The following ITGB6 variants were observed in gnomAD, a reference collection of about 807,000 sequenced individuals.
ITGB6 encodes the protein integrin beta-6.
ITGB6 carries 80 observed loss-of-function variants against 84.5 expected under a neutral mutation model. That is an observed-to-expected ratio of 0.95 (90% CI 0.79 to 1.14). The LOEUF (loss-of-function observed/expected upper bound fraction) is 1.14. Among genes scored for constraint, ITGB6 ranks in the 50% most tolerant of loss-of-function variants. The pLI, the probability that ITGB6 is intolerant of heterozygous loss-of-function variation, is 0.00. For missense variants in ITGB6, 1,006 were observed against 968.0 expected (o/e 1.04, Z -0.52); for synonymous variants, 383 against 354.9 (o/e 1.08, Z -0.89).
At chr2:160,169,076 G>A in intron 7 of ITGB6, 136 bp downstream of exon 7, 1 of 562,168 alleles carries the variant, frequency 1.8e-6, no homozygotes, top group East Asian at 2.8e-5. Context: ...AGTCCACTTA[G>A]CCAAGCGCCC....
chr2:160,101,843 A>G lies in ITGB6; in HGVS notation c.2269-9T>C, dbSNP rs973749121. ...TAGAGTGGATTGGTTCCCTGGAAAAAAAAAAAAGATTCAAGTGAAAGTATG... is the reference window on the plus strand; with the variant it reads ...TAGAGTGGATTGGTTCCCTGGAAAAGAAAAAAAGATTCAAGTGAAAGTATG... On this transcript the variant is annotated splice_polypyrimidine_tract_variant and intron_variant, in intron 14 of 14. Transcript: ENST00000283249. 3 of 1,448,636 alleles carry G rather than the reference A, an allele frequency of 2.1e-6. No individual in the cohort carries two copies. The African/African-American group carries it at 4.2e-5, about 20-fold the overall frequency. 89.7% of individuals were successfully genotyped at this position (1,448,636 alleles called of 1,614,324 possible). A position where few individuals can be genotyped will look rare whatever the true frequency, so the allele number is the denominator to read the frequency against.
At chr2:160,184,225 C>A (rs935507097) in intron 4 of ITGB6, among the ~76,000 whole-genome samples, 1 of 151,948 alleles carries the variant, frequency 6.6e-6, no homozygotes, top group Non-Finnish European at 1.5e-5. Context: ...AAATAGATGA[C>A]CACTAGCCAG....
chr2:160,125,178 T>C (rs1683188567), intron 11 of ITGB6, among the ~76,000 whole-genome samples: 1 of 152,228 alleles, frequency 6.6e-6, no homozygotes, highest in South Asian at 2.1e-4. Flanking sequence ...TGTAGCTGTT[T>C]CAGTCATCAT....
chr2:160,148,788 G>C (rs1263156600), intron 7 of ITGB6, among the ~76,000 whole-genome samples: 1 of 152,234 alleles, frequency 6.6e-6, no homozygotes, highest in Non-Finnish European at 1.5e-5. Flanking sequence ...GGCAGACAAA[G>C]TGATTCTCTC....
intron 4 of ITGB6, among the ~76,000 whole-genome samples, chr2:160,184,671 A>G (rs1400017270): frequency 6.6e-6 from 1 of 152,192 alleles, no homozygotes. Context: ...GCAGAGACAC[A>G]ACAAAAAAAG....
At chr2:160,121,329 T>G (rs990298479) in intron 12 of ITGB6, among the ~76,000 whole-genome samples, 1 of 152,188 alleles carries the variant, frequency 6.6e-6, no homozygotes, top group African/African-American at 2.4e-5. Flanking sequence ...GTATAACAAC[T>G]CTCAGAAGTC....
chr2:160,179,740 A>G (rs1353069753), intron 4 of ITGB6, among the ~76,000 whole-genome samples: 1 of 151,104 alleles, frequency 6.6e-6, no homozygotes, highest in African/African-American at 2.4e-5. Flanking sequence ...ACTACAATGA[A>G]CTCACTGTTG....
intron 4 of ITGB6, among the ~76,000 whole-genome samples, chr2:160,174,640 T>C (rs1049931022): frequency 6.6e-6 from 1 of 152,170 alleles, no homozygotes; most frequent in Non-Finnish European, 1.5e-5. Flanking sequence ...ATTCTTGATT[T>C]GAGAGTCCAA....
intron 13 of ITGB6, among the ~76,000 whole-genome samples, chr2:160,108,947 A>T (rs1289529715): frequency 6.6e-6 from 1 of 152,214 alleles, no homozygotes. Flanking sequence ...CATGGAAAAA[A>T]AATCCCACAT....
chr2:160,118,937 A>G lies in ITGB6; in HGVS notation c.1981+4854T>C, dbSNP rs76785646. On this transcript the variant is annotated intron_variant, in intron 12 of 14. Transcript: ENST00000283249. ...ACAATTGCTTCAAAGAGAATAAAAT[A>G]CCTAGGAATCCAACTTACAAGGGAT... 1.4e-3 allele frequency among the ~76,000 whole-genome samples: 218 copies of G among 152,304 alleles called. 5 individuals carry two copies. In the East Asian group the frequency reaches 0.033, roughly 23 times the overall value.
At chr2:160,167,837 C>T (rs541246088) in intron 7 of ITGB6, among the ~76,000 whole-genome samples, 36 of 152,248 alleles carry the variant, frequency 2.4e-4, no homozygotes, top group Non-Finnish European at 4.4e-4. Flanking sequence ...CCCCAGACTC[C>T]CCTTTGAAGA....
At chr2:160,167,474 A>C (rs932797523) in intron 7 of ITGB6, among the ~76,000 whole-genome samples, 1 of 152,246 alleles carries the variant, frequency 6.6e-6, no homozygotes, top group African/African-American at 2.4e-5. Flanking sequence ...CCCCTTGAAA[A>C]TGTCCCTTTG....
At chr2:160,190,832 T>C (rs1686113308) in intron 4 of ITGB6, among the ~76,000 whole-genome samples, 1 of 152,204 alleles carries the variant, frequency 6.6e-6, no homozygotes, top group African/African-American at 2.4e-5. Context: ...TTTTCTCTGG[T>C]AACATTCCAC....
At chr2:160,102,805 G>T (rs545268945) in intron 14 of ITGB6, among the ~76,000 whole-genome samples, 1 of 152,222 alleles carries the variant, frequency 6.6e-6, no homozygotes, top group South Asian at 2.1e-4. Context: ...AACAGTCTGG[G>T]TCCAAACCCA....
chr2:160,175,561 T>C (rs182295085), intron 4 of ITGB6, among the ~76,000 whole-genome samples: 1 of 152,336 alleles, frequency 6.6e-6, no homozygotes, highest in East Asian at 1.9e-4. Context: ...ATGCTTTTCA[T>C]GGATGGTTTC....
chr2:160,147,814 C>T lies in ITGB6; in HGVS notation c.1018-5743G>A, dbSNP rs543326945. On this transcript the variant is annotated intron_variant, in intron 7 of 14. Coordinates refer to ENST00000283249, the MANE Select transcript of ITGB6 (RefSeq NM_000888.5). ...GACACATTATTACACCCTTCACAAACATTAGCTCAAAATGATCACAGACCT... is the reference window on the plus strand; with the variant it reads ...GACACATTATTACACCCTTCACAAATATTAGCTCAAAATGATCACAGACCT... 2.6e-5 allele frequency among the ~76,000 whole-genome samples: 4 copies of T among 152,220 alleles called. No homozygotes were observed. In the South Asian group the frequency reaches 8.3e-4, roughly 32 times the overall value.
chr2:160,155,752 T>C (rs960009699), intron 7 of ITGB6, among the ~76,000 whole-genome samples: 1 of 152,184 alleles, frequency 6.6e-6, no homozygotes, highest in African/African-American at 2.4e-5. Flanking sequence ...CCAGAATATC[T>C]AAACGATTCT....
chr2:160,177,392 C>G (rs1685464425), intron 4 of ITGB6, among the ~76,000 whole-genome samples: 1 of 151,856 alleles, frequency 6.6e-6, no homozygotes, highest in African/African-American at 2.4e-5. Flanking sequence ...CGGTGAAACC[C>G]CATCTCTACT....
At chr2:160,197,359 C>T (rs1686384610) in intron 2 of ITGB6, among the ~76,000 whole-genome samples, 1 of 152,044 alleles carries the variant, frequency 6.6e-6, no homozygotes, top group Admixed American at 6.5e-5. Context: ...AGCAGAGGGG[C>T]AGTGAGATGT....
Sources: gnomAD v4.1 joint callset for allele counts (sites outside exome capture counted in the v4.1 genomes callset) on GRCh38, gnomAD v4.1.1 for gene constraint, MANE v1.5 for transcripts, NCBI Gene and HGNC (gene_info 2026-07-23, HGNC 2026-07-21) for gene names.